The following DCC variants were observed in gnomAD, a reference collection of about 807,000 sequenced individuals.
The protein encoded by DCC is netrin receptor DCC.
DCC carries 58 observed loss-of-function variants against 172.5 expected under a neutral mutation model. The observed-to-expected ratio is 0.34, with a 90% CI of 0.27 to 0.42. The LOEUF (loss-of-function observed/expected upper bound fraction) is 0.42. Ranked by LOEUF, DCC falls within the 10% of genes least tolerant of loss-of-function variation. The probability of loss-of-function intolerance (pLI) is 1.00; values close to 1 mark genes in which losing one functional copy is unlikely to be tolerated. For missense variants in DCC, 1,740 were observed against 1,791.0 expected, an observed-to-expected ratio of 0.97 and a Z score of 0.51; for synonymous variants, 709 against 644.5, an observed-to-expected ratio of 1.10 and a Z score of -1.52.
At position 52,820,173 on chromosome 18, in the gene DCC, A is replaced by AT. The variant is rs531848987; in HGVS notation, c.412+67800dup. ...ACAGCAGTCCTCCCATGAATTTAAT[A>AT]TATGGGAAGGTTAACAAGCAGAGTA... On this transcript the variant is annotated intron_variant, in intron 2 of 28. Transcript: ENST00000442544. Among the ~76,000 whole-genome samples the AT allele has an allele frequency of 1.0e-3, 159 of 152,310 alleles. 1 individual carries two copies. Among genetic ancestry groups the AT allele is most frequent in the Admixed American group, 2.6e-3 (40 of 15,308 alleles).
chr18:53,359,937 T>C (rs1453023039), intron 15 of DCC, among the ~76,000 whole-genome samples: 1 of 152,200 alleles, frequency 6.6e-6, no homozygotes, highest in Non-Finnish European at 1.5e-5. Context: ...TGTATCTGTG[T>C]GGCTCAGAAT....
chr18:52,495,209 C>T (rs1386356199), intron 1 of DCC, among the ~76,000 whole-genome samples: 4 of 152,084 alleles, frequency 2.6e-5, no homozygotes, highest in Non-Finnish European at 2.9e-5. Context: ...TTTATCCTCT[C>T]GTGTAGCTTC....
chr18:53,200,098 G>T (rs1454046449), intron 9 of DCC, among the ~76,000 whole-genome samples: 1 of 152,184 alleles, frequency 6.6e-6, no homozygotes, highest in Non-Finnish European at 1.5e-5. Flanking sequence ...CCAGAAGAGT[G>T]CAGTTGATGC....
chr18:52,491,705 T>C (rs555283343), intron 1 of DCC, among the ~76,000 whole-genome samples: 1 of 152,052 alleles, frequency 6.6e-6, no homozygotes, highest in African/African-American at 2.4e-5. Context: ...ATACAATTGA[T>C]TGGACTTAGC....
intron 1 of DCC, among the ~76,000 whole-genome samples, chr18:52,720,425 C>T (rs764379347): frequency 1.3e-5 from 2 of 152,108 alleles, no homozygotes; most frequent in Non-Finnish European, 2.9e-5. Flanking sequence ...CTAACATGGC[C>T]GTGGTGTTAG....
intron 2 of DCC, among the ~76,000 whole-genome samples, chr18:52,880,089 G>C (rs903755067): frequency 8.6e-5 from 13 of 151,462 alleles, no homozygotes; most frequent in African/African-American, 2.4e-4. Flanking sequence ...ATTGATTATA[G>C]TCACTCCGTT....
intron 5 of DCC, among the ~76,000 whole-genome samples, chr18:52,996,059 T>A (rs191988392): frequency 9.9e-5 from 15 of 152,162 alleles, no homozygotes; most frequent in Admixed American, 7.9e-4. Context: ...TTTGTCATCA[T>A]GTTAAATGGG....
intron 9 of DCC, among the ~76,000 whole-genome samples, chr18:53,190,891 A>G (rs1310335500): frequency 6.6e-6 from 1 of 152,180 alleles, no homozygotes; most frequent in Admixed American, 6.5e-5. Context: ...GCTTGCAGTG[A>G]GCCGAGATCG....
At chr18:52,374,476 T>C (rs1985262200) in intron 1 of DCC, among the ~76,000 whole-genome samples, 2 of 152,054 alleles carry the variant, frequency 1.3e-5, no homozygotes, top group Non-Finnish European at 2.9e-5. Flanking sequence ...TGATGTTTAC[T>C]TGAACTGAAT....
intron 2 of DCC, among the ~76,000 whole-genome samples, chr18:52,897,911 C>G (rs1220445258): frequency 6.6e-6 from 1 of 152,196 alleles, no homozygotes; most frequent in Non-Finnish European, 1.5e-5. Flanking sequence ...CAAGTACAGG[C>G]CAAAATGAGC....
chr18:52,977,670 G>A (rs972945051), intron 5 of DCC, among the ~76,000 whole-genome samples: 4 of 152,012 alleles, frequency 2.6e-5, no homozygotes, highest in Admixed American at 2.6e-4. Flanking sequence ...TGGATCATGA[G>A]GTCAGGAGAT....
At chr18:53,018,696 AAATG>A (rs1449418199) in intron 5 of DCC, among the ~76,000 whole-genome samples, 2 of 152,190 alleles carry the variant, frequency 1.3e-5, no homozygotes, top group Non-Finnish European at 2.9e-5. Flanking sequence ...TTAAATGTAC[AAATG>A]AATAGATGAA....
intron 15 of DCC, among the ~76,000 whole-genome samples, chr18:53,366,767 ATGAC>A (rs1304319958): frequency 6.6e-6 from 1 of 152,176 alleles, no homozygotes. Flanking sequence ...GCATGGTTGT[ATGAC>A]TGAGTTCTGG....
chr18:52,894,693 T>C (rs946146311), intron 2 of DCC, among the ~76,000 whole-genome samples: 2 of 151,842 alleles, frequency 1.3e-5, no homozygotes, highest in African/African-American at 4.8e-5. Flanking sequence ...GGAGACTTGA[T>C]GGTGAAAGTT....
intron 1 of DCC, among the ~76,000 whole-genome samples, chr18:52,584,233 C>A (rs577816673): frequency 6.6e-6 from 1 of 152,328 alleles, no homozygotes; most frequent in African/African-American, 2.4e-5. Context: ...GAAGAAGGAA[C>A]GTGGCTTCTA....
chr18:53,512,684 T>A (rs957773259), intron 27 of DCC, among the ~76,000 whole-genome samples: 2 of 151,870 alleles, frequency 1.3e-5, no homozygotes, highest in African/African-American at 2.4e-5. Flanking sequence ...CAGGAGCCGA[T>A]GCAATCAACT....
At chr18:52,778,976 G>T (rs752257899) in intron 2 of DCC, among the ~76,000 whole-genome samples, 7 of 152,130 alleles carry the variant, frequency 4.6e-5, no homozygotes, top group Admixed American at 1.3e-4. Flanking sequence ...CATATCAAGA[G>T]TCCATTAATG....
rs1480208621 is a variant in DCC at position 53,459,381 on chromosome 18, A to G, written c.3542A>G (p.Gln1181Arg). Reference protein sequence around the residue: ...TDPAGRDSPIQSCQDLTPVSH... With the variant: ...TDPAGRDSPIRSCQDLTPVSH... The stretch of plus-strand genomic sequence containing the variant: ...CCTGCAGGAAGGGACTCTCCCATCC[A>G]AAGTTGCCAAGACCTCACACCAGTC... The change falls in exon 24 of 29, where the codon CAA becomes CGA. Residue 1181 changes from glutamine to arginine, a missense_variant. This residue lies in a region of DCC where 1,732 missense variants were observed against 1,767.4 expected (regional missense o/e 0.98). Coordinates refer to ENST00000442544, the MANE Select transcript of DCC (RefSeq NM_005215.4). The G allele has an allele frequency of 1.2e-6, 2 of 1,613,912 alleles. No homozygotes were observed. The highest frequency in any genetic ancestry group is 3.3e-5 in the Admixed American group (2 of 60,004).
chr18:52,926,988 T>C (rs576314349), intron 5 of DCC, among the ~76,000 whole-genome samples: 1 of 141,364 alleles, frequency 7.1e-6, no homozygotes, highest in South Asian at 2.2e-4. Flanking sequence ...TATATGGATA[T>C]ATATTTTGTA....
Sources: gnomAD v4.1 joint callset for allele counts (sites outside exome capture counted in the v4.1 genomes callset) on GRCh38, gnomAD v4.1.1 for gene constraint, gnomAD v4.1.1 regional missense constraint, MANE v1.5 for transcripts, NCBI Gene and HGNC (gene_info 2026-07-23, HGNC 2026-07-21) for gene names.